FMN1: variants seen among roughly 807,000 people sequenced by gnomAD.
FMN1 encodes formin-1.
Under a neutral mutation model 132.4 loss-of-function variants are expected in FMN1, and 110 were observed. The observed-to-expected ratio is 0.83, with a 90% confidence interval of 0.71 to 0.97. FMN1 has a LOEUF of 0.97. FMN1 is among the 50% of genes least tolerant of loss of function. The probability of loss-of-function intolerance (pLI) is 0.00; values close to 1 mark genes in which losing one functional copy is unlikely to be tolerated. For missense variants in FMN1, 1,792 were observed against 1,705.3 expected (o/e 1.05, Z -0.90); for synonymous variants, 722 against 651.7 (o/e 1.11, Z -1.64).
At chr15:33,164,314 C>T (rs1376760569) in intron 3 of FMN1, among the ~76,000 whole-genome samples, 1 of 152,150 alleles carries the variant, frequency 6.6e-6, no homozygotes, top group African/African-American at 2.4e-5. Context: ...TATGATTTGA[C>T]TGTGAGACCA....
chr15:32,986,296 T>A (rs1194696854), intron 7 of FMN1, among the ~76,000 whole-genome samples: 1 of 152,164 alleles, frequency 6.6e-6, no homozygotes, highest in Non-Finnish European at 1.5e-5. Flanking sequence ...GCTAAGCTTA[T>A]ATGCTTGAAA....
intron 6 of FMN1, among the ~76,000 whole-genome samples, chr15:33,054,185 A>T (rs2141192615): frequency 6.6e-6 from 1 of 152,286 alleles, no homozygotes; most frequent in South Asian, 2.1e-4. Flanking sequence ...AAATCCACAT[A>T]TTACTCCTAT....
Position 33,008,671 on chromosome 15 carries a change from CTAA to C in FMN1, c.2162-599_2162-597del, listed in dbSNP as rs1053448386. Among the ~76,000 whole-genome samples, 109 of 152,262 alleles carry C rather than the reference CTAA, an allele frequency of 7.2e-4. 2 individuals carry two copies. Among genetic ancestry groups the C allele is most frequent in the African/African-American group, 2.3e-3 (97 of 41,552 alleles). ...TTTCTGGTCCAATTTTAATATGAGTCTAATAATGTTTATTTCAACAATAAGTCC... is the reference window on the plus strand; with the variant it reads ...TTTCTGGTCCAATTTTAATATGAGTCTAATGTTTATTTCAACAATAAGTCC... On this transcript the variant is annotated intron_variant, in intron 6 of 20. Coordinates refer to ENST00000616417, the MANE Select transcript of FMN1 (RefSeq NM_001277313.2).
intron 4 of FMN1, among the ~76,000 whole-genome samples, chr15:33,148,969 C>A: frequency 8.8e-6 from 1 of 113,170 alleles, no homozygotes. Flanking sequence ...CTCCCCACCC[C>A]CGACCCCACA....
At position 33,028,514 on chromosome 15, in the gene FMN1, AAAAAATAAAAAT is replaced by A. The variant is rs71113497; in HGVS notation, c.2162-20451_2162-20440del. 6.6e-3 allele frequency among the ~76,000 whole-genome samples: 998 copies of A among 150,264 alleles called. 11 individuals are homozygous for A. The highest frequency in any genetic ancestry group is 0.022 in the African/African-American group (915 of 41,004). On this transcript the variant is annotated intron_variant, in intron 6 of 20. Coordinates refer to ENST00000616417, the MANE Select transcript of FMN1 (RefSeq NM_001277313.2). ...AAAAACATATAAAGAACTACAGAGG[AAAAAATAAAAAT>A]AAAAATAAAAATAAATAAATAAATA... is the stretch of plus-strand genomic sequence containing the variant.
At chr15:32,941,145 C>A (rs148664481) in intron 9 of FMN1, among the ~76,000 whole-genome samples, 85 of 152,090 alleles carry the variant, frequency 5.6e-4, no homozygotes, top group African/African-American at 2.0e-3. Context: ...TTACGTGAAG[C>A]CAGTAGATAG....
At chr15:32,835,386 A>G (rs938000268) in intron 17 of FMN1, among the ~76,000 whole-genome samples, 2 of 152,328 alleles carry the variant, frequency 1.3e-5, no homozygotes, top group Admixed American at 6.5e-5. Context: ...CCTGGCTTAG[A>G]CCACCAACCA....
chr15:33,179,151 T>C (rs965534461), intron 3 of FMN1, among the ~76,000 whole-genome samples: 16 of 152,170 alleles, frequency 1.1e-4, no homozygotes, highest in African/African-American at 2.9e-4. Context: ...TTAGAACATA[T>C]ATCAAGGAGA....
In FMN1 at chr15:33,097,328, G is replaced by GAA. The variant is rs369201918; in HGVS notation, c.1868-8355_1868-8354insTT. Among the ~76,000 whole-genome samples the GAA allele has an allele frequency of 6.3e-3, 955 of 151,114 alleles. 10 individuals are homozygous for GAA. The highest frequency in any genetic ancestry group is 0.022 in the African/African-American group (894 of 41,082). ...TAAAAAAAAAAAAAAGAGAGAGAGA[G>GAA]AGAGATGGGCTAAAAGGAGCAGAAA... On this transcript the variant is annotated intron_variant, in intron 4 of 20. Transcript: ENST00000616417.
At chr15:33,088,552 C>G (rs926871470) in intron 5 of FMN1, among the ~76,000 whole-genome samples, 2 of 152,192 alleles carry the variant, frequency 1.3e-5, no homozygotes, top group African/African-American at 4.8e-5. Flanking sequence ...ATGAACAGAG[C>G]GCTCTGAGAA....
intron 15 of FMN1, among the ~76,000 whole-genome samples, chr15:32,896,443 C>T (rs371327375): frequency 6.6e-6 from 1 of 151,980 alleles, no homozygotes; most frequent in Non-Finnish European, 1.5e-5. Context: ...AAAAAAAACC[C>T]CCTATAACAT....
intron 7 of FMN1, among the ~76,000 whole-genome samples, chr15:32,996,450 G>T (rs557717705): frequency 1.3e-5 from 2 of 152,180 alleles, no homozygotes; most frequent in Admixed American, 1.3e-4. Flanking sequence ...TCCACCCAAA[G>T]ATAGATCAGA....
intron 14 of FMN1, among the ~76,000 whole-genome samples, chr15:32,899,184 A>G (rs749457974): frequency 2.0e-5 from 3 of 152,230 alleles, no homozygotes; most frequent in Non-Finnish European, 4.4e-5. Context: ...ATTTTCTGGC[A>G]CACAGCCAAG....
At chr15:33,041,496 A>C (rs2036437914) in intron 6 of FMN1, among the ~76,000 whole-genome samples, 1 of 151,858 alleles carries the variant, frequency 6.6e-6, no homozygotes. Context: ...GACTGGAAAA[A>C]AATAGTTAAC....
intron 4 of FMN1, among the ~76,000 whole-genome samples, chr15:33,141,344 GTT>G (rs199928403): frequency 1.3e-5 from 2 of 151,860 alleles, no homozygotes; most frequent in Non-Finnish European, 2.9e-5. Flanking sequence ...ACATCCAACT[GTT>G]TTTTTTCCCC....
In FMN1 at chr15:33,186,697, C is replaced by A. The variant is rs111493840; in HGVS notation, c.-196-6435G>T. ...ACCATTCTTAAGTTTCTCTTGGTTG[C>A]GAGCAAATGAAACTGATTTTGGCTA... On this transcript the variant is annotated intron_variant, in intron 2 of 20. Coordinates refer to ENST00000616417, the MANE Select transcript of FMN1 (RefSeq NM_001277313.2). Among the ~76,000 whole-genome samples, 4 of 152,144 alleles carry A rather than the reference C, an allele frequency of 2.6e-5. 1 individual carries two copies. Among genetic ancestry groups the A allele is most frequent in the African/African-American group, 9.6e-5 (4 of 41,516 alleles).
At chr15:33,038,363 C>T (rs1402860218) in intron 6 of FMN1, among the ~76,000 whole-genome samples, 4 of 152,234 alleles carry the variant, frequency 2.6e-5, no homozygotes, top group African/African-American at 9.6e-5. Flanking sequence ...TTGGAGTTAA[C>T]ATTCAGAAGT....
At chr15:32,808,141 T>C (rs1026703142) in intron 17 of FMN1, among the ~76,000 whole-genome samples, 10 of 152,244 alleles carry the variant, frequency 6.6e-5, no homozygotes, top group African/African-American at 2.4e-4. Context: ...ATACGGGAAC[T>C]ATATATCATA....
chr15:32,875,039 A>G, intron 16 of FMN1, among the ~76,000 whole-genome samples: 1 of 152,244 alleles, frequency 6.6e-6, no homozygotes, highest in East Asian at 1.9e-4. Context: ...CTCCATGCTG[A>G]CTTGGACATA....
Sources: gnomAD v4.1 joint callset for allele counts (sites outside exome capture counted in the v4.1 genomes callset) on GRCh38, gnomAD v4.1.1 for gene constraint, MANE v1.5 for transcripts, NCBI Gene and HGNC (gene_info 2026-07-23, HGNC 2026-07-21) for gene names.